The following THOP1 variants were observed in gnomAD, a reference collection of about 807,000 sequenced individuals.
THOP1 encodes thimet oligopeptidase 1.
THOP1 carries 49 observed loss-of-function variants against 71.8 expected under a neutral mutation model. The ratio of observed to expected loss-of-function variants is 0.68; its 90% CI spans 0.54 to 0.87. THOP1 has a LOEUF of 0.87. Among genes scored for constraint, THOP1 ranks in the 40% least tolerant of loss-of-function variants. The pLI is 0.00. For synonymous variants in THOP1, 426 were observed against 421.5 expected (o/e 1.01, Z -0.13); for missense variants, 843 against 975.6 (o/e 0.86, Z 1.81).
At chr19:2,811,994 G>A in intron 12 of THOP1, 1 of 1,037,072 alleles carries the variant, frequency 9.6e-7, no homozygotes, top group Non-Finnish European at 1.3e-6. Context: ...TCTTGGTGCG[G>A]TGCTGCCCAC....
intron 1 of THOP1, among the ~76,000 whole-genome samples, chr19:2,788,592 C>T (rs1035047657): frequency 2.0e-5 from 3 of 152,208 alleles, no homozygotes; most frequent in African/African-American, 7.2e-5. Context: ...GGTTCTCCTG[C>T]CTCAGCCTCC....
chr19:2,790,743 C>T, intron 2 of THOP1, 110 bp downstream of exon 2: 1 of 1,001,098 alleles, frequency 1.0e-6, no homozygotes, highest in Non-Finnish European at 1.4e-6. Flanking sequence ...CTTGAAGTGT[C>T]ACCAGCACCC....
chr19:2,807,179 G>T, intron 7 of THOP1, 127 bp downstream of exon 7: 1 of 1,340,546 alleles, frequency 7.5e-7, no homozygotes, highest in Non-Finnish European at 9.9e-7. Context: ...TCTGACGCCT[G>T]CCCTGGCTCC....
At chr19:2,796,856 G>A (rs977507508) in intron 4 of THOP1, among the ~76,000 whole-genome samples, 2 of 152,198 alleles carry the variant, frequency 1.3e-5, no homozygotes, top group Admixed American at 1.3e-4. Flanking sequence ...GGTAACGAGG[G>A]GAGCCCCTCC....
At chr19:2,807,139 C>G (rs960151119) in intron 7 of THOP1, 87 bp downstream of exon 7, 20 of 1,449,762 alleles carry the variant, frequency 1.4e-5, no homozygotes, top group South Asian at 2.9e-5. Context: ...ACCCCTAGAG[C>G]CTTGTCCTTT....
intron 11 of THOP1, 53 bp downstream of exon 11, chr19:2,810,821 C>T (rs972786623): frequency 7.6e-6 from 12 of 1,569,966 alleles, no homozygotes; most frequent in African/African-American, 2.7e-5. Flanking sequence ...CAGCTGCTTC[C>T]CTGGGAAGGT....
Position 2,810,713 on chromosome 19 carries a change from C to A in THOP1, c.1716C>A (p.Pro572=). Residue 572 remains proline (P), a synonymous_variant, in exon 11 of 13, where the codon CCC becomes CCA. Coordinates refer to ENST00000307741, the MANE Select transcript of THOP1 (RefSeq NM_003249.5). ...TGCACACGCAGACGGACGCAGACCCCGCCGAGGAGTATGCGCGGCTCTGCC... is the reference window on the plus strand; with the variant it reads ...TGCACACGCAGACGGACGCAGACCCAGCCGAGGAGTATGCGCGGCTCTGCC... The part of the protein sequence containing the change: ...QALHTQTDAD[P]AEEYARLCQE... 2 of 1,589,376 alleles carry A rather than the reference C, an allele frequency of 1.3e-6. No individual in the cohort carries two copies. The highest frequency in any genetic ancestry group is 2.3e-5 in the East Asian group (1 of 43,900).
intron 12 of THOP1, chr19:2,812,330 C>T (rs1028504378): frequency 3.7e-5 from 57 of 1,534,452 alleles, no homozygotes; most frequent in Non-Finnish European, 4.6e-5. Context: ...TGAGGGCCGG[C>T]CCTGCCCTGC....
At chr19:2,796,719 C>G (rs1344281380) in intron 4 of THOP1, among the ~76,000 whole-genome samples, 1 of 152,036 alleles carries the variant, frequency 6.6e-6, no homozygotes, top group African/African-American at 2.4e-5. Context: ...CTGTGGCCCC[C>G]TGCCCCTGCC....
Position 2,801,437 on chromosome 19 carries a change from C to T in THOP1, c.589+1646C>T, listed in dbSNP as rs550950544. On this transcript the variant is annotated intron_variant, in intron 5 of 12. Coordinates refer to ENST00000307741, the MANE Select transcript of THOP1 (RefSeq NM_003249.5). The surrounding 1 kb of genome is among the most constrained non-coding windows in gnomAD (Gnocchi z 5.1). ...CATTTGTCGGGCCTGAGGGGTCTCC[C>T]GTGCAGGTGGCTTGAGTCCCATGTG... Among the ~76,000 whole-genome samples the T allele has an allele frequency of 3.9e-5, 6 of 152,184 alleles. No individual in the cohort carries two copies. The highest frequency in any genetic ancestry group is 5.9e-5 in the Non-Finnish European group (4 of 68,034).
chr19:2,807,522 CGCCGGG>C lies in THOP1; in HGVS notation c.971_976del (p.Arg324_Gly325del). ...GGAGCTGAAGCGTGCGGAGTGCGAG[CGCCGGG>C]GCCTGCCCTTCGACGGCCGCATCCG... is the stretch of plus-strand genomic sequence containing the variant. On this transcript the variant is annotated inframe_deletion, in exon 8 of 13. Coordinates refer to ENST00000307741, the MANE Select transcript of THOP1 (RefSeq NM_003249.5). The C allele has an allele frequency of 6.2e-7, 1 of 1,612,072 alleles. No homozygotes were observed. The highest frequency in any genetic ancestry group is 8.5e-7 in the Non-Finnish European group (1 of 1,179,818).
chr19:2,811,980 C>A, intron 12 of THOP1: 1 of 1,074,046 alleles, frequency 9.3e-7, no homozygotes, highest in Non-Finnish European at 1.3e-6. Flanking sequence ...GAGGCACCTG[C>A]TGGTCTTGGT....
intron 1 of THOP1, among the ~76,000 whole-genome samples, chr19:2,787,286 T>A (rs1025652177): frequency 6.6e-6 from 1 of 152,182 alleles, no homozygotes; most frequent in African/African-American, 2.4e-5. Flanking sequence ...CCCCCAGCTC[T>A]TTGTCCAGCC....
chr19:2,786,953 G>C (rs1915758877), intron 1 of THOP1: 1 of 151,544 alleles, frequency 6.6e-6, no homozygotes, highest in African/African-American at 2.4e-5. Flanking sequence ...TTTTAGTAGA[G>C]ACGGTGCTAG....
In THOP1 at chr19:2,790,694, C is replaced by T. The variant is rs1396449412; in HGVS notation, c.229+61C>T. The T allele has an allele frequency of 1.5e-5, 22 of 1,426,230 alleles. No homozygotes were observed. In the Admixed American group the frequency reaches 2.4e-4, roughly 16 times the overall value. The allele number at this position is 1,426,230 out of a possible 1,614,324, so 88.3% of individuals were successfully genotyped here. On this transcript the variant is annotated intron_variant, in intron 2 of 12. Coordinates refer to ENST00000307741, the MANE Select transcript of THOP1 (RefSeq NM_003249.5). ...GTGCCGAGGGAGGTGGCACCGCAGG[C>T]GGGAGTAGCCCAGCCCGTGGAGCCG...
chr19:2,794,936 C>T (rs753256729), intron 3 of THOP1, 24 bp downstream of exon 3: 1 of 1,591,214 alleles, frequency 6.3e-7, no homozygotes, highest in Non-Finnish European at 8.6e-7. Flanking sequence ...GCGGGGAGTG[C>T]AAATAGCCTC....
intron 2 of THOP1, among the ~76,000 whole-genome samples, chr19:2,793,315 TC>T (rs1915928360): frequency 6.6e-6 from 1 of 152,098 alleles, no homozygotes; most frequent in South Asian, 2.1e-4. Context: ...GTGGTCACGC[TC>T]CATCTCCCCT....
At chr19:2,789,475 C>T (rs1018269791) in intron 1 of THOP1, among the ~76,000 whole-genome samples, 3 of 152,192 alleles carry the variant, frequency 2.0e-5, no homozygotes, top group East Asian at 1.9e-4. Flanking sequence ...ATGACTCGCC[C>T]GTAGCACCTG....
intron 6 of THOP1, 101 bp from the exon 7 acceptor site, chr19:2,806,816 C>A (rs531131039): frequency 1.3e-6 from 2 of 1,580,768 alleles, no homozygotes; most frequent in Non-Finnish European, 1.7e-6. Context: ...GGAGGTCAGA[C>A]GGAGCTGGAT....
Sources: gnomAD v4.1 joint callset for allele counts (sites outside exome capture counted in the v4.1 genomes callset) on GRCh38, gnomAD v4.1.1 for gene constraint, Gnocchi (gnomAD v3.1) non-coding constraint, MANE v1.5 for transcripts, NCBI Gene and HGNC (gene_info 2026-07-23, HGNC 2026-07-21) for gene names.